Variants in PALM2AKAP2 observed in about 807,000 individuals in gnomAD.
PALM2AKAP2 encodes PALM2-AKAP2 fusion protein.
In PALM2AKAP2, 37 loss-of-function variants were observed where a neutral mutation model predicts 71.5. The ratio of observed to expected loss-of-function variants is 0.52; its 90% CI spans 0.40 to 0.68. PALM2AKAP2 has a LOEUF of 0.68. Ranked by LOEUF, PALM2AKAP2 falls within the 30% of genes least tolerant of loss-of-function variation. The probability of loss-of-function intolerance (pLI) is 0.00; values close to 1 mark genes in which losing one functional copy is unlikely to be tolerated. For missense variants in PALM2AKAP2, 1,224 were observed against 1,191.8 expected, an observed-to-expected ratio of 1.03 and a Z score of -0.40; for synonymous variants, 468 against 478.8, an observed-to-expected ratio of 0.98 and a Z score of 0.29.
At chr9:110,111,588 C>T (rs11790833) in intron 1 of PALM2AKAP2, among the ~76,000 whole-genome samples, 23,479 of 152,136 alleles carry the variant, frequency 0.15, 1,974 homozygotes, top group Middle Eastern at 0.21. Flanking sequence ...CATCCCCTAA[C>T]GGCAAAATGA....
At chr9:109,724,775 T>A (rs974622504) in intron 1 of PALM2AKAP2, among the ~76,000 whole-genome samples, 2 of 152,172 alleles carry the variant, frequency 1.3e-5, no homozygotes, top group Non-Finnish European at 2.9e-5. Context: ...GTGAGTGACA[T>A]CCAGGCTGTC....
intron 6 of PALM2AKAP2, chr9:109,943,359 C>T (rs1344558156): frequency 6.2e-7 from 1 of 1,614,202 alleles, no homozygotes. Context: ...AGGAAGAGAG[C>T]CTAGCTACAG....
At chr9:109,839,260 T>C (rs1564173292) in intron 1 of PALM2AKAP2, among the ~76,000 whole-genome samples, 1 of 152,170 alleles carries the variant, frequency 6.6e-6, no homozygotes, top group African/African-American at 2.4e-5. Flanking sequence ...TAATCCAGCA[T>C]ATAAACAGAA....
chr9:109,950,063 T>C (rs1445366067), intron 6 of PALM2AKAP2, among the ~76,000 whole-genome samples: 2 of 152,124 alleles, frequency 1.3e-5, no homozygotes, highest in Admixed American at 1.3e-4. Flanking sequence ...GGCAGGAGGA[T>C]AGTGTGAGCC....
rs751841432 is a variant in PALM2AKAP2 at position 109,780,571 on chromosome 9, C to T, written c.45+38C>T. 7.4e-6 allele frequency: 12 copies of T among 1,612,942 alleles called. No individual in the cohort carries two copies. The East Asian group carries it at 1.6e-4, about 21-fold the overall frequency. On this transcript the variant is annotated intron_variant, in intron 1 of 9. Coordinates refer to the PALM2AKAP2 transcript ENST00000302798. ...TCATTTTATTTTCTTGCTCTATTGT[C>T]TGGGGTGGAAGGGGGCCCCCGAGGG...
At chr9:109,933,200 A>G (rs1277706118) in intron 6 of PALM2AKAP2, among the ~76,000 whole-genome samples, 1 of 152,240 alleles carries the variant, frequency 6.6e-6, no homozygotes, top group African/African-American at 2.4e-5. Flanking sequence ...AGGATGGATA[A>G]ACAGGAACCT....
intron 1 of PALM2AKAP2, among the ~76,000 whole-genome samples, chr9:110,108,227 C>G (rs941117042): frequency 6.6e-6 from 1 of 150,720 alleles, no homozygotes; most frequent in African/African-American, 2.4e-5. Flanking sequence ...GTGATTCTGT[C>G]TCATCCTCCT....
intron 2 of PALM2AKAP2, 102 bp downstream of exon 8, chr9:110,138,641 G>C (rs2119117842): frequency 1.4e-6 from 2 of 1,444,500 alleles, no homozygotes; most frequent in Admixed American, 5.7e-5. Context: ...TGTGTGTCTG[G>C]AATAAGTGTT....
At chr9:109,976,059 A>G (rs1434461463) in intron 6 of PALM2AKAP2, among the ~76,000 whole-genome samples, 1 of 152,242 alleles carries the variant, frequency 6.6e-6, no homozygotes, top group African/African-American at 2.4e-5. Flanking sequence ...AACTATTCCA[A>G]GTTTTACTGG....
At chr9:109,795,195 T>C (rs1827218866) in intron 1 of PALM2AKAP2, among the ~76,000 whole-genome samples, 1 of 152,182 alleles carries the variant, frequency 6.6e-6, no homozygotes, top group Non-Finnish European at 1.5e-5. Context: ...CACTCTTCAT[T>C]GTGACAATCA....
intron 7 of PALM2AKAP2, among the ~76,000 whole-genome samples, chr9:110,030,566 T>A (rs1833262036): frequency 6.6e-6 from 1 of 152,150 alleles, no homozygotes; most frequent in Admixed American, 6.5e-5. Context: ...TTTGGGGATA[T>A]AGGTTTCTGA....
chr9:109,730,304 A>G (rs1312413153), intron 1 of PALM2AKAP2, among the ~76,000 whole-genome samples: 1 of 152,242 alleles, frequency 6.6e-6, no homozygotes, highest in Admixed American at 6.5e-5. Flanking sequence ...CCCAATTCAT[A>G]AATGTCTTGC....
intron 6 of PALM2AKAP2, among the ~76,000 whole-genome samples, chr9:109,979,418 G>A (rs1306082782): frequency 3.3e-5 from 5 of 152,218 alleles, no homozygotes; most frequent in Non-Finnish European, 5.9e-5. Context: ...GTGTGGCAAC[G>A]TGGGGATATC....
chr9:110,121,316 G>A (rs1273590399), intron 1 of PALM2AKAP2, among the ~76,000 whole-genome samples: 3 of 152,202 alleles, frequency 2.0e-5, no homozygotes, highest in Non-Finnish European at 4.4e-5. Flanking sequence ...GGGTCTTTTG[G>A]TGACGGGGCT....
chr9:110,020,260 A>G (rs1833050143), intron 7 of PALM2AKAP2, among the ~76,000 whole-genome samples: 1 of 152,182 alleles, frequency 6.6e-6, no homozygotes, highest in East Asian at 1.9e-4. Context: ...TTTCTTTCTG[A>G]AAAAGGAATA....
chr9:109,694,895 C>T (rs970832476), intron 1 of PALM2AKAP2, among the ~76,000 whole-genome samples: 1 of 152,046 alleles, frequency 6.6e-6, no homozygotes, highest in Non-Finnish European at 1.5e-5. Flanking sequence ...CTTATGCTAT[C>T]CCAAAGACAC....
At chr9:110,172,211 A>G (rs982558392) in exon 4 of PALM2AKAP2, 2 of 152,636 alleles carry the variant, frequency 1.3e-5, no homozygotes, top group Non-Finnish European at 2.9e-5. Flanking sequence ...GATGGTGAAT[A>G]TATTCCATTT....
At chr9:110,135,172 A>ATATATATATATATAT (rs58573716) in intron 1 of PALM2AKAP2, among the ~76,000 whole-genome samples, 2 of 61,100 alleles carry the variant, frequency 3.3e-5, no homozygotes, top group African/African-American at 1.2e-4. Context: ...AAAATATATA[A>ATATATATATATATAT]ATATATATAT....
upstream of PALM2AKAP2, among the ~76,000 whole-genome samples, chr9:109,775,908 C>G (rs538220167): frequency 6.6e-6 from 1 of 152,214 alleles, no homozygotes; most frequent in Non-Finnish European, 1.5e-5. Flanking sequence ...CATTCTGTAT[C>G]CTTTTCGTAT....
Sources: gnomAD v4.1 joint callset for allele counts (sites outside exome capture counted in the v4.1 genomes callset) on GRCh38, gnomAD v4.1.1 for gene constraint, MANE v1.5 for transcripts, NCBI Gene and HGNC (gene_info 2026-07-23, HGNC 2026-07-21) for gene names.